The following SATB2 variants were observed in gnomAD, a reference collection of about 807,000 sequenced individuals.
SATB2 encodes SATB homeobox 2.
Under a neutral mutation model 73.4 loss-of-function variants are expected in SATB2, and 1 was observed. That is an observed-to-expected ratio of 0.01 (90% CI 0.00 to 0.06). The LOEUF (loss-of-function observed/expected upper bound fraction) is 0.06. Among genes scored for constraint, SATB2 ranks in the 10% least tolerant of loss-of-function variants. The probability of loss-of-function intolerance (pLI) is 1.00; values close to 1 mark genes in which losing one functional copy is unlikely to be tolerated. For missense variants in SATB2, 459 were observed against 945.8 expected (o/e 0.49, Z 6.75); for synonymous variants, 397 against 367.0 (o/e 1.08, Z -0.93).
chr2:199,287,594 G>GC (rs368634038), intron 10 of SATB2, among the ~76,000 whole-genome samples: 1 of 151,756 alleles, frequency 6.6e-6, no homozygotes, highest in African/African-American at 2.4e-5. Context: ...GGTGGGGGGG[G>GC]AGATTATCTA....
chr2:199,303,424 CATT>C (rs1687341166), intron 10 of SATB2, among the ~76,000 whole-genome samples: 1 of 152,110 alleles, frequency 6.6e-6, no homozygotes, highest in African/African-American at 2.4e-5. Flanking sequence ...GCAGTGTCAC[CATT>C]ATTATTACTG....
chr2:199,468,900 T>A (rs1274432228), upstream of SATB2: 3 of 152,308 alleles, frequency 2.0e-5, no homozygotes, highest in Non-Finnish European at 4.4e-5. Context: ...CTTTTTTTCC[T>A]GCCTTAAGGT....
intron 10 of SATB2, among the ~76,000 whole-genome samples, chr2:199,287,546 T>G (rs1258479468): frequency 6.6e-6 from 1 of 151,558 alleles, no homozygotes; most frequent in Non-Finnish European, 1.5e-5. Context: ...CTATTTAGAA[T>G]AGGATGATTT....
chr2:199,358,201 C>T (rs1689042406), intron 6 of SATB2, among the ~76,000 whole-genome samples: 3 of 152,024 alleles, frequency 2.0e-5, no homozygotes, highest in South Asian at 2.1e-4. Flanking sequence ...AATAGCATCC[C>T]GTCTGCCAAC....
chr2:199,386,706 GCGCGCGCGCGCACACACA>G (rs1252980208), intron 3 of SATB2, among the ~76,000 whole-genome samples: 1,595 of 95,946 alleles, frequency 0.017, 42 homozygotes, highest in African/African-American at 0.041. Context: ...GCGCGCGCGC[GCGCGCGCGCGCACACACA>G]CACACACACA....
rs1030129800 is a variant in SATB2, at chr2:199,464,622, G to T, written c.-141+214C>A. ...CGAACACCAGCGCTCCGGCCGGGTC[G>T]CAGGGGCCGGTGCCCAGCGGGCCGG... On this transcript the variant is annotated intron_variant, in intron 1 of 11. Transcript: ENST00000260926. The surrounding 1 kb of genome is among the most constrained non-coding windows in gnomAD (Gnocchi z 6.6). 6.6e-6 allele frequency among the ~76,000 whole-genome samples: 1 copy of T among 152,176 alleles called. No homozygotes were observed. The highest frequency in any genetic ancestry group is 1.5e-5 in the Non-Finnish European group (1 of 68,030).
chr2:199,329,226 C>T (rs1688119850), intron 7 of SATB2: 1 of 384,896 alleles, frequency 2.6e-6, no homozygotes, highest in Non-Finnish European at 4.9e-6. Flanking sequence ...GTGCCTCCTA[C>T]AAGTATTTCA....
At chr2:199,294,537 C>T (rs552633816) in intron 10 of SATB2, among the ~76,000 whole-genome samples, 1 of 152,256 alleles carries the variant, frequency 6.6e-6, no homozygotes, top group African/African-American at 2.4e-5. Flanking sequence ...CCCCTGTCTC[C>T]TTGGGAGGCT....
At chr2:199,280,023 C>T (rs1692435742) in intron 10 of SATB2, among the ~76,000 whole-genome samples, 1 of 152,162 alleles carries the variant, frequency 6.6e-6, no homozygotes, top group Non-Finnish European at 1.5e-5. Context: ...CGCCTGTAAT[C>T]CCAGCTACTT....
intron 3 of SATB2, among the ~76,000 whole-genome samples, chr2:199,421,149 A>T (rs1691155357): frequency 3.3e-5 from 5 of 152,182 alleles, no homozygotes. Context: ...TGACACTATT[A>T]GAAAAAGTTC....
At chr2:199,422,094 T>C (rs932232867) in intron 3 of SATB2, among the ~76,000 whole-genome samples, 6 of 152,130 alleles carry the variant, frequency 3.9e-5, no homozygotes, top group Non-Finnish European at 8.8e-5. Flanking sequence ...TTACGTAGTA[T>C]TAAAATTAAT....
intron 6 of SATB2, among the ~76,000 whole-genome samples, chr2:199,359,703 C>T (rs1689083862): frequency 6.6e-6 from 1 of 152,110 alleles, no homozygotes; most frequent in South Asian, 2.1e-4. Flanking sequence ...TGGATATGTT[C>T]CTGTGTTCCC....
At chr2:199,301,504 C>T (rs1687288539) in intron 10 of SATB2, among the ~76,000 whole-genome samples, 2 of 152,104 alleles carry the variant, frequency 1.3e-5, no homozygotes, top group African/African-American at 2.4e-5. Flanking sequence ...AATATTTTGC[C>T]CAACAAAGCT....
chr2:199,433,033 T>A (rs1691549132), intron 3 of SATB2, among the ~76,000 whole-genome samples: 1 of 152,228 alleles, frequency 6.6e-6, no homozygotes, highest in East Asian at 1.9e-4. Flanking sequence ...TAAGTTTGGA[T>A]AAGTCAGGAG....
At chr2:199,431,561 G>T (rs371614333) in intron 3 of SATB2, among the ~76,000 whole-genome samples, 1 of 152,130 alleles carries the variant, frequency 6.6e-6, no homozygotes, top group Non-Finnish European at 1.5e-5. Context: ...CTTTGAGGAC[G>T]CAAATAATCA....
At chr2:199,296,215 T>A (rs1450229224) in intron 10 of SATB2, among the ~76,000 whole-genome samples, 1 of 152,230 alleles carries the variant, frequency 6.6e-6, no homozygotes, top group Non-Finnish European at 1.5e-5. Flanking sequence ...TTTTCCAAAA[T>A]GCATTTGAAC....
chr2:199,386,730 AC>A, intron 3 of SATB2, among the ~76,000 whole-genome samples: 1 of 58,022 alleles, frequency 1.7e-5, no homozygotes, highest in East Asian at 2.8e-4. Context: ...ACACACACAC[AC>A]ACACACACAC....
intron 2 of SATB2, among the ~76,000 whole-genome samples, chr2:199,442,929 G>A (rs1018881347): frequency 2.8e-5 from 4 of 145,090 alleles, no homozygotes; most frequent in Admixed American, 7.1e-5. Flanking sequence ...CCTGAGACTC[G>A]ACCACATGTT....
chr2:199,383,426 T>A (rs187377982), intron 3 of SATB2, among the ~76,000 whole-genome samples: 1 of 152,206 alleles, frequency 6.6e-6, no homozygotes, highest in Non-Finnish European at 1.5e-5. Flanking sequence ...TCCTGACATT[T>A]GCAAATACTA....
Sources: gnomAD v4.1 joint callset for allele counts (sites outside exome capture counted in the v4.1 genomes callset) on GRCh38, gnomAD v4.1.1 for gene constraint, Gnocchi (gnomAD v3.1) non-coding constraint, MANE v1.5 for transcripts, NCBI Gene and HGNC (gene_info 2026-07-23, HGNC 2026-07-21) for gene names.